Variants in SOX6 observed in about 807,000 individuals in gnomAD.
SOX6 encodes SRY-box transcription factor 6.
In SOX6, 11 loss-of-function variants were observed where a neutral mutation model predicts 97.8. The observed-to-expected ratio is 0.11, with a 90% CI of 0.07 to 0.19. The LOEUF (loss-of-function observed/expected upper bound fraction) is 0.19. Among genes scored for constraint, SOX6 ranks in the 10% least tolerant of loss-of-function variants. The pLI, the probability that SOX6 is intolerant of heterozygous loss-of-function variation, is 1.00. For missense variants in SOX6, 810 were observed against 1,039.5 expected, an observed-to-expected ratio of 0.78 and a Z score of 3.04; for synonymous variants, 360 against 371.4, an observed-to-expected ratio of 0.97 and a Z score of 0.35.
At chr11:16,439,116 T>C (rs1859448644) in intron 1 of SOX6, among the ~76,000 whole-genome samples, 1 of 152,154 alleles carries the variant, frequency 6.6e-6, no homozygotes, top group Non-Finnish European at 1.5e-5. Flanking sequence ...AAAATGAAAT[T>C]AAATATCTAA....
intron 6 of SOX6, among the ~76,000 whole-genome samples, chr11:16,180,674 A>G (rs1431917330): frequency 2.0e-5 from 3 of 151,752 alleles, no homozygotes; most frequent in African/African-American, 7.3e-5. Context: ...TGATTTATTA[A>G]AAGGTAAAAA....
chr11:16,013,205 C>T (rs1854782454), intron 13 of SOX6, among the ~76,000 whole-genome samples: 1 of 151,960 alleles, frequency 6.6e-6, no homozygotes. Flanking sequence ...GGTGACAGAG[C>T]TCTGTAACTA....
intron 2 of SOX6, among the ~76,000 whole-genome samples, chr11:16,733,527 A>G (rs1204736519): frequency 7.1e-6 from 1 of 141,258 alleles, no homozygotes; most frequent in African/African-American, 2.6e-5. Context: ...CAGTTGAACA[A>G]TGAGAACACA....
At chr11:16,041,185 T>C (rs1360229044) in intron 12 of SOX6, among the ~76,000 whole-genome samples, 1 of 152,114 alleles carries the variant, frequency 6.6e-6, no homozygotes, top group African/African-American at 2.4e-5. Context: ...CTGTGAGCTA[T>C]AGAAGGAGCT....
At chr11:16,092,968 C>A (rs1469529715) in intron 9 of SOX6, among the ~76,000 whole-genome samples, 1 of 151,880 alleles carries the variant, frequency 6.6e-6, no homozygotes, top group Non-Finnish European at 1.5e-5. Flanking sequence ...TACTGGTTCC[C>A]TTTCCTTAAC....
intron 4 of SOX6, among the ~76,000 whole-genome samples, chr11:16,594,679 T>TTTTG (rs1848190641): frequency 7.7e-6 from 1 of 130,136 alleles, no homozygotes; most frequent in African/African-American, 2.9e-5. Flanking sequence ...TCTTTTCGGT[T>TTTTG]TTTGCTTTTT....
At chr11:16,383,807 G>T (rs983429291) in intron 1 of SOX6, among the ~76,000 whole-genome samples, 1 of 151,916 alleles carries the variant, frequency 6.6e-6, no homozygotes, top group Non-Finnish European at 1.5e-5. Flanking sequence ...CCAAATAGAA[G>T]TAGCAGCTAA....
intron 3 of SOX6, among the ~76,000 whole-genome samples, chr11:16,676,090 T>G (rs905935582): frequency 1.4e-5 from 2 of 143,582 alleles, no homozygotes; most frequent in African/African-American, 2.4e-5. Flanking sequence ...GCTCTGCTCA[T>G]TTTCATTCAT....
At chr11:16,197,453 G>C (rs1261106203) in intron 4 of SOX6, among the ~76,000 whole-genome samples, 2 of 152,122 alleles carry the variant, frequency 1.3e-5, no homozygotes, top group African/African-American at 4.8e-5. Flanking sequence ...TATATGATCA[G>C]GTAACAGGCA....
intron 12 of SOX6, among the ~76,000 whole-genome samples, chr11:16,038,780 G>A (rs1454089361): frequency 6.6e-6 from 1 of 152,202 alleles, no homozygotes; most frequent in East Asian, 1.9e-4. Flanking sequence ...AGTATTCAAT[G>A]TCAGTCACAT....
At chr11:16,096,219 C>A in intron 8 of SOX6, 101 bp from the exon 9 acceptor site, 1 of 1,384,888 alleles carries the variant, frequency 7.2e-7, no homozygotes, top group Non-Finnish European at 1.0e-6. Context: ...TTGACCACAT[C>A]AAAAAATAGA....
intron 10 of SOX6, among the ~76,000 whole-genome samples, chr11:16,055,515 A>G (rs892329238): frequency 6.6e-6 from 1 of 152,174 alleles, no homozygotes; most frequent in Non-Finnish European, 1.5e-5. Flanking sequence ...CAAAGGGGGA[A>G]AACTCTCGAG....
At chr11:16,513,834 T>C (rs1460072379) in intron 4 of SOX6, among the ~76,000 whole-genome samples, 1 of 151,988 alleles carries the variant, frequency 6.6e-6, no homozygotes, top group African/African-American at 2.4e-5. Flanking sequence ...ATTCCACAAA[T>C]AAAAAAGATG....
chr11:16,349,672 G>C (rs1454444088), intron 1 of SOX6, among the ~76,000 whole-genome samples: 1 of 38,558 alleles, frequency 2.6e-5, no homozygotes, highest in Admixed American at 3.1e-4. Flanking sequence ...GAGGGAGGGA[G>C]GGAGGAAGGA....
At chr11:16,654,285 G>A (rs1226764522) in intron 3 of SOX6, among the ~76,000 whole-genome samples, 1 of 151,958 alleles carries the variant, frequency 6.6e-6, no homozygotes, top group Non-Finnish European at 1.5e-5. Context: ...CTTCCCACCT[G>A]AGCCTCCCAA....
At chr11:16,407,575 C>G (rs1482966054) in intron 1 of SOX6, among the ~76,000 whole-genome samples, 3 of 152,098 alleles carry the variant, frequency 2.0e-5, no homozygotes. Flanking sequence ...ACACATCCAG[C>G]AGGAATAGGA....
intron 4 of SOX6, among the ~76,000 whole-genome samples, chr11:16,489,278 A>G (rs1860477676): frequency 1.3e-5 from 2 of 152,178 alleles, no homozygotes; most frequent in Admixed American, 1.3e-4. Context: ...AAAGGTCACA[A>G]TCTTCAGCAA....
intron 4 of SOX6, among the ~76,000 whole-genome samples, chr11:16,533,506 A>C (rs1213050191): frequency 6.6e-6 from 1 of 152,036 alleles, no homozygotes. Context: ...ACTTCTTGTC[A>C]TTCCTTTGCA....
chr11:16,515,460 T>G lies in SOX6; in HGVS notation n.610-39072A>C, dbSNP rs866486059. On this transcript the variant is annotated intron_variant and non_coding_transcript_variant, in intron 4 of 5. Transcript: ENST00000524520. Reference sequence around the variant, plus strand: ...TTCTGGATATTAGCCCTTTGTCAGATGAGTAGGTTGCGAAAATTTTCTCCC... The same window carrying G: ...TTCTGGATATTAGCCCTTTGTCAGAGGAGTAGGTTGCGAAAATTTTCTCCC... Among the ~76,000 whole-genome samples the G allele has an allele frequency of 6.9e-3, 936 of 134,780 alleles. 3 individuals carry two copies. Among genetic ancestry groups the G allele is most frequent in the African/African-American group, 0.025 (892 of 36,310 alleles). The allele number at this position is 134,780 out of a possible 152,430, so 88.4% of individuals were successfully genotyped here. A position where few individuals can be genotyped will look rare whatever the true frequency, so the allele number is the denominator to read the frequency against.
Sources: allele counts gnomAD v4.1 joint callset (sites outside exome capture counted in the v4.1 genomes callset), GRCh38; gene constraint gnomAD v4.1.1; transcripts MANE v1.5; gene names NCBI Gene and HGNC (gene_info 2026-07-23, HGNC 2026-07-21).